Variants in TOM1L1 observed in about 807,000 individuals in gnomAD.
The protein encoded by TOM1L1 is target of myb1 like 1 membrane trafficking protein, also known as TOM1-like protein 1.
In TOM1L1, 64 loss-of-function variants were observed where a neutral mutation model predicts 63.4. The observed-to-expected ratio is 1.01, with a 90% CI of 0.83 to 1.24. The LOEUF (loss-of-function observed/expected upper bound fraction) is 1.24. Ranked by LOEUF, TOM1L1 falls within the 50% of genes most tolerant of loss-of-function variation. TOM1L1 has a pLI of 0.00. For synonymous variants in TOM1L1, 166 were observed against 194.4 expected, an observed-to-expected ratio of 0.85 and a Z score of 1.22; for missense variants, 536 against 567.0, an observed-to-expected ratio of 0.95 and a Z score of 0.55.
chr17:54,944,586 GTC>G (rs2049087949), intron 11 of TOM1L1, among the ~76,000 whole-genome samples: 1 of 152,054 alleles, frequency 6.6e-6, no homozygotes, highest in Non-Finnish European at 1.5e-5. Context: ...TTTAAAGCAG[GTC>G]TATTGACAGT....
In TOM1L1 at chr17:54,961,486, A is replaced by G. The variant is rs1328587908; in HGVS notation, c.*253A>G. Reference sequence around the variant, plus strand: ...TTAAAACTTCAGCAGAAGAAAAATTACTTAGTCCTTAGGCCAACCAATTTA... The same window carrying G: ...TTAAAACTTCAGCAGAAGAAAAATTGCTTAGTCCTTAGGCCAACCAATTTA... On this transcript the variant is annotated 3_prime_UTR_variant, in exon 16 of 16. Transcript: ENST00000575882. 2 of 1,439,902 alleles carry G rather than the reference A, an allele frequency of 1.4e-6. No individual in the cohort carries two copies. Among genetic ancestry groups the G allele is most frequent in the Non-Finnish European group, 1.8e-6 (2 of 1,101,314 alleles). The allele number at this position is 1,439,902 out of a possible 1,614,324, so 89.2% of individuals were successfully genotyped here. A position where few individuals can be genotyped will look rare whatever the true frequency, so the allele number is the denominator to read the frequency against.
chr17:54,956,765 A>G (rs903698889), intron 14 of TOM1L1: 1 of 152,192 alleles, frequency 6.6e-6, no homozygotes, highest in Admixed American at 6.5e-5. Context: ...GCTTTGAGCA[A>G]TAGTTTTATT....
chr17:54,915,352 C>G (rs926515529), intron 6 of TOM1L1, among the ~76,000 whole-genome samples: 1 of 151,922 alleles, frequency 6.6e-6, no homozygotes, highest in Non-Finnish European at 1.5e-5. Flanking sequence ...AACTGGATAA[C>G]CCTCATTTGT....
chr17:54,947,348 G>T, intron 12 of TOM1L1, 36 bp downstream of exon 12: 1 of 1,600,054 alleles, frequency 6.2e-7, no homozygotes, highest in Non-Finnish European at 8.6e-7. Context: ...AGTGCATCTA[G>T]TCAGCAGATT....
chr17:54,927,815 G>A (rs2048792761), intron 7 of TOM1L1, among the ~76,000 whole-genome samples: 1 of 152,170 alleles, frequency 6.6e-6, no homozygotes, highest in South Asian at 2.1e-4. Flanking sequence ...ATGAGAGTGG[G>A]CTGGCTTTTG....
intron 3 of TOM1L1, among the ~76,000 whole-genome samples, chr17:54,907,790 GC>G (rs2048435989): frequency 6.6e-6 from 1 of 152,124 alleles, no homozygotes; most frequent in African/African-American, 2.4e-5. Context: ...ATGAATTTAT[GC>G]CCCCTTCTCT....
intron 8 of TOM1L1, among the ~76,000 whole-genome samples, chr17:54,934,125 G>A (rs898384072): frequency 6.6e-6 from 1 of 152,178 alleles, no homozygotes; most frequent in African/African-American, 2.4e-5. Context: ...TCTGTCCTTT[G>A]TCCTGTACTT....
intron 14 of TOM1L1, chr17:54,959,079 G>A (rs2077038769): frequency 6.6e-6 from 1 of 152,192 alleles, no homozygotes; most frequent in Non-Finnish European, 1.5e-5. Flanking sequence ...CTACCAGAGA[G>A]TTTAGAGGTT....
chr17:54,906,113 C>T (rs992639749), intron 3 of TOM1L1, among the ~76,000 whole-genome samples: 7 of 151,882 alleles, frequency 4.6e-5, no homozygotes, highest in Admixed American at 2.0e-4. Flanking sequence ...AAGATGGCAA[C>T]GAGCTATGAT....
At chr17:54,937,802 GTTTA>G (rs201047023) in intron 10 of TOM1L1, 2,941 of 148,044 alleles carry the variant, frequency 0.02, 63 homozygotes, top group East Asian at 0.13. Flanking sequence ...ACAAACTAAT[GTTTA>G]TAAAATGCAT....
rs1392581452 is a variant in TOM1L1, at chr17:54,936,684, A to T, written c.890A>T (p.Asn297Ile). Residue 297 changes from asparagine (N) to isoleucine (I), a missense_variant, in exon 9 of 16, where the codon AAT (asparagine) becomes ATT (isoleucine). Transcript: ENST00000575882. ...AACCAACAAAGGATTTTGGAGCAAAATAAGAACCAGAAGGAAGCCACCAAT... is the reference window on the plus strand; with the variant it reads ...AACCAACAAAGGATTTTGGAGCAAATTAAGAACCAGAAGGAAGCCACCAAT... ...TRNQQRILEQ[N>I]KNQKEATNTT... is the part of the protein sequence containing the mutation. The T allele has an allele frequency of 6.2e-7, 1 of 1,608,126 alleles. No homozygotes were observed. Among genetic ancestry groups the T allele is most frequent in the African/African-American group, 1.3e-5 (1 of 74,588 alleles).
chr17:54,906,439 A>G (rs1025068567), intron 3 of TOM1L1, among the ~76,000 whole-genome samples: 3 of 150,790 alleles, frequency 2.0e-5, no homozygotes, highest in African/African-American at 7.3e-5. Context: ...ACTGTCCTCC[A>G]GTCCTCCAGC....
intron 1 of TOM1L1, 73 bp from the exon 2 acceptor site, chr17:54,903,635 G>A (rs762223605): frequency 7.4e-7 from 1 of 1,348,282 alleles, no homozygotes; most frequent in African/African-American, 1.4e-5. Context: ...GTGCAGCCTA[G>A]GCAGATTATT....
Position 54,923,534 on chromosome 17 carries a change from A to T in TOM1L1, c.721-6539A>T, listed in dbSNP as rs542615944. On this transcript the variant is annotated intron_variant, in intron 7 of 15. Coordinates refer to ENST00000575882, the MANE Select transcript of TOM1L1 (RefSeq NM_005486.3). ...TCTGTATTATAGTTTTTTATTTTTT[A>T]AATTAATTATTTTATTTATTTATTT... 9.3e-5 allele frequency among the ~76,000 whole-genome samples: 14 copies of T among 151,164 alleles called. No homozygotes were observed. The South Asian group carries it at 2.5e-3, about 27-fold the overall frequency.
At chr17:54,931,958 TTGTTTGTTTG>T (rs2048867711) in intron 8 of TOM1L1, among the ~76,000 whole-genome samples, 1 of 79,510 alleles carries the variant, frequency 1.3e-5, no homozygotes. Context: ...CGTTTTTTTT[TTGTTTGTTTG>T]TTTGTTTGTT....
At chr17:54,902,157 T>C (rs114448512) in intron 1 of TOM1L1, among the ~76,000 whole-genome samples, 1,671 of 152,186 alleles carry the variant, frequency 0.011, 24 homozygotes, top group African/African-American at 0.039. Context: ...TGCAAGAAAA[T>C]GCAAAACACA....
At chr17:54,961,053 C>A (rs1396806193) in intron 15 of TOM1L1, 182 bp from the exon 16 acceptor site, 3 of 606,638 alleles carry the variant, frequency 4.9e-6, no homozygotes, top group Non-Finnish European at 8.7e-6. Flanking sequence ...TTAATGGTCA[C>A]CAATGAACTA....
At chr17:54,901,000 T>A (rs2048316740) in intron 1 of TOM1L1, 77 bp downstream of exon 1, 10 of 1,594,944 alleles carry the variant, frequency 6.3e-6, no homozygotes, top group Non-Finnish European at 8.6e-6. Context: ...ATTCTCGGCC[T>A]GCAGAGGACG....
At chr17:54,922,588 T>G (rs1454848976) in intron 7 of TOM1L1, among the ~76,000 whole-genome samples, 4 of 152,172 alleles carry the variant, frequency 2.6e-5, no homozygotes. Context: ...AGTGAGACCC[T>G]GTCTCAGTTT....
Sources: allele counts gnomAD v4.1 joint callset (sites outside exome capture counted in the v4.1 genomes callset), GRCh38; gene constraint gnomAD v4.1.1; transcripts MANE v1.5; gene names NCBI Gene and HGNC (gene_info 2026-07-23, HGNC 2026-07-21).